Variants in TUT7 observed in about 807,000 individuals in gnomAD.
TUT7 encodes the protein terminal uridylyltransferase 7.
Under a neutral mutation model 165.9 loss-of-function variants are expected in TUT7, and 33 were observed. That is an observed-to-expected ratio of 0.20 (90% CI 0.15 to 0.27). The LOEUF is 0.27. Ranked by LOEUF, TUT7 falls within the 10% of genes least tolerant of loss-of-function variation. The pLI is 1.00. For missense variants in TUT7, 1,338 were observed against 1,762.3 expected (o/e 0.76, Z 4.31); for synonymous variants, 552 against 608.1 (o/e 0.91, Z 1.36).
chr9:86,339,066 T>A, intron 8 of TUT7, 117 bp from the exon 9 acceptor site: 7 of 967,834 alleles, frequency 7.2e-6, no homozygotes, highest in Non-Finnish European at 9.4e-6. Flanking sequence ...ACTTCAAAAA[T>A]AAAAAGCTTA....
chr9:86,312,308 C>T (rs536970642), intron 17 of TUT7, among the ~76,000 whole-genome samples: 10 of 152,050 alleles, frequency 6.6e-5, no homozygotes, highest in South Asian at 4.2e-4. Context: ...TCTGCCCGGC[C>T]GCCCCATCTG....
At chr9:86,298,975 G>T in intron 26 of TUT7, 1 of 215,950 alleles carries the variant, frequency 4.6e-6, no homozygotes, top group Non-Finnish European at 7.9e-6. Flanking sequence ...AAGACCATGG[G>T]CAGGAGTTCT....
At chr9:86,301,821 C>T (rs930977186) in intron 25 of TUT7, 4 of 985,304 alleles carry the variant, frequency 4.1e-6, no homozygotes, top group Non-Finnish European at 4.8e-6. Flanking sequence ...TTCAAAGTTG[C>T]TCTAGTGCTG....
rs188384074 is a variant in TUT7 at position 86,302,763 on chromosome 9, C to T, written c.4094+323G>A. 2.6e-5 allele frequency among the ~76,000 whole-genome samples: 4 copies of T among 151,750 alleles called. No homozygotes were observed. The East Asian group carries it at 7.8e-4, about 30-fold the overall frequency. On this transcript the variant is annotated intron_variant, in intron 25 of 26. Coordinates refer to ENST00000375963, the MANE Select transcript of TUT7 (RefSeq NM_024617.4). ...TCCCAAGTAGCTGGGACTACAGGTGCCCGCCACCATGCTTGGCTAATTTTT... is the reference window on the plus strand; with the variant it reads ...TCCCAAGTAGCTGGGACTACAGGTGTCCGCCACCATGCTTGGCTAATTTTT...
At chr9:86,338,672 T>A in intron 9 of TUT7, 151 bp downstream of exon 9, 1 of 726,288 alleles carries the variant, frequency 1.4e-6, no homozygotes. Flanking sequence ...GAATCTTCCG[T>A]CTGTACGTTT....
intron 1 of TUT7, 73 bp from the exon 2 acceptor site, chr9:86,353,303 T>A (rs376729450): frequency 7.2e-6 from 9 of 1,249,430 alleles, no homozygotes; most frequent in Middle Eastern, 4.0e-4. Context: ...AATAACAATT[T>A]ATCGTACAGA....
intron 26 of TUT7, among the ~76,000 whole-genome samples, chr9:86,294,607 A>C (rs1384197581): frequency 6.6e-6 from 1 of 151,944 alleles, no homozygotes; most frequent in African/African-American, 2.4e-5. Flanking sequence ...TAGGGATAGA[A>C]AAGGAACAGT....
At chr9:86,339,843 T>C (rs1273650634) in intron 8 of TUT7, among the ~76,000 whole-genome samples, 193 bp downstream of exon 8, 7 of 152,236 alleles carry the variant, frequency 4.6e-5, no homozygotes, top group Admixed American at 4.6e-4. Context: ...TTAAGTCATT[T>C]TATTATTTTT....
At chr9:86,304,105 A>G (rs1007203264) in intron 24 of TUT7, among the ~76,000 whole-genome samples, 1 of 150,980 alleles carries the variant, frequency 6.6e-6, no homozygotes, top group Non-Finnish European at 1.5e-5. Flanking sequence ...AAGATAACTA[A>G]GAGTAAATCT....
At chr9:86,331,955 G>A (rs934270410) in intron 10 of TUT7, among the ~76,000 whole-genome samples, 4 of 152,144 alleles carry the variant, frequency 2.6e-5, no homozygotes, top group Non-Finnish European at 5.9e-5. Flanking sequence ...ATGATCAGAT[G>A]CTTTTCTGAA....
At chr9:86,346,687 A>G (rs1831800290) in intron 2 of TUT7, among the ~76,000 whole-genome samples, 1 of 152,224 alleles carries the variant, frequency 6.6e-6, no homozygotes. Context: ...CATAGAAATC[A>G]TCTTTTTGGA....
intron 15 of TUT7, 57 bp downstream of exon 15, chr9:86,319,527 C>A: frequency 1.6e-6 from 2 of 1,223,428 alleles, no homozygotes; most frequent in Non-Finnish European, 2.3e-6. Context: ...AACACATGAA[C>A]TGATTTGGAA....
intron 2 of TUT7, among the ~76,000 whole-genome samples, chr9:86,347,880 A>AT (rs558159680): frequency 7.1e-4 from 105 of 148,576 alleles, no homozygotes; most frequent in Middle Eastern, 3.6e-3. Context: ...GGTCTGAACA[A>AT]TTTTTTTTTT....
At chr9:86,339,795 G>A (rs1378482571) in intron 8 of TUT7, among the ~76,000 whole-genome samples, 4 of 152,136 alleles carry the variant, frequency 2.6e-5, no homozygotes, top group African/African-American at 7.2e-5. Flanking sequence ...TTAACGAGTT[G>A]AAATGGACCG....
chr9:86,328,454 G>T lies in TUT7; in HGVS notation c.1494C>A (p.Asn498Lys), dbSNP rs756829339. The part of the protein sequence containing the change: ...GFSLSKLGNF[N>K]LQDIEKDVVI... The stretch of plus-strand genomic sequence containing the variant: ...CAACATCTTTTTCAATGTCTTGAAG[G>T]TTGAAATTCCCTAGTTTGCTTAATG... Residue 498 changes from asparagine to lysine, a missense_variant, in exon 11 of 27, where the codon AAC becomes AAA. By Grantham distance (94) the Asn-to-Lys change is moderately conservative. Transcript: ENST00000375963. 3.1e-6 allele frequency: 5 copies of T among 1,610,758 alleles called. No individual in the cohort carries two copies. The highest frequency in any genetic ancestry group is 4.2e-6 in the Non-Finnish European group (5 of 1,178,448).
At chr9:86,327,894 A>G (rs1385679939) in intron 11 of TUT7, among the ~76,000 whole-genome samples, 1 of 152,172 alleles carries the variant, frequency 6.6e-6, no homozygotes, top group Non-Finnish European at 1.5e-5. Flanking sequence ...CATTGCAGAG[A>G]TTTTTGTTTG....
intron 6 of TUT7, among the ~76,000 whole-genome samples, chr9:86,342,725 T>A (rs933130283): frequency 6.6e-6 from 1 of 152,174 alleles, no homozygotes. Flanking sequence ...AGCTTGCAGA[T>A]CATAAATGTT....
At position 86,304,822 on chromosome 9, in the gene TUT7, AT is replaced by A. The variant is rs758053346; in HGVS notation, c.3978+33del. On this transcript the variant is annotated intron_variant, in intron 24 of 26. Coordinates refer to ENST00000375963, the MANE Select transcript of TUT7 (RefSeq NM_024617.4). ...GTGTACAAATTAGGCACTTTTTTTTATTTTTTATTTTTTGGTATTTCCAACA... is the reference window on the plus strand; with the variant it reads ...GTGTACAAATTAGGCACTTTTTTTTATTTTTATTTTTTGGTATTTCCAACA... 4 of 1,458,228 alleles carry A rather than the reference AT, an allele frequency of 2.7e-6. No homozygotes were observed. In the African/African-American group the frequency reaches 5.7e-5, roughly 21 times the overall value. 90.3% of individuals were successfully genotyped at this position (1,458,228 alleles called of 1,614,324 possible). A position where few individuals can be genotyped will look rare whatever the true frequency, so the allele number is the denominator to read the frequency against.
At chr9:86,293,733 A>AT (rs1826066214) in intron 26 of TUT7, among the ~76,000 whole-genome samples, 2 of 152,228 alleles carry the variant, frequency 1.3e-5, no homozygotes, top group Middle Eastern at 3.4e-3. Flanking sequence ...TATTCATTAG[A>AT]GTGTTTTATA....
Sources: gnomAD v4.1 joint callset for allele counts (sites outside exome capture counted in the v4.1 genomes callset) on GRCh38, gnomAD v4.1.1 for gene constraint, MANE v1.5 for transcripts, NCBI Gene and HGNC (gene_info 2026-07-23, HGNC 2026-07-21) for gene names.